Variants in ARRDC4 observed in about 807,000 individuals in gnomAD.
ARRDC4 encodes arrestin domain-containing protein 4.
A neutral mutation model predicts 44.6 loss-of-function variants in ARRDC4; 40 were observed. That is an observed-to-expected ratio of 0.90 (90% confidence interval 0.70 to 1.17). The LOEUF (loss-of-function observed/expected upper bound fraction) is 1.17. Ranked by LOEUF, ARRDC4 falls within the 50% of genes most tolerant of loss-of-function variation. The pLI, the probability that ARRDC4 is intolerant of heterozygous loss-of-function variation, is 0.00. For synonymous variants in ARRDC4, 211 were observed against 221.2 expected (o/e 0.95, Z 0.41); for missense variants, 550 against 559.1 (o/e 0.98, Z 0.16).
rs562561590 is a variant in ARRDC4 at position 97,973,173 on chromosome 15, G to C, written c.*1986G>C. 1 of 152,320 alleles carries C rather than the reference G, an allele frequency of 6.6e-6. No individual in the cohort carries two copies. Among genetic ancestry groups the C allele is most frequent in the Non-Finnish European group, 1.5e-5 (1 of 68,012 alleles). The allele number at this position is 152,320 out of a possible 1,614,324, so 9.4% of individuals were successfully genotyped here. A position where few individuals can be genotyped will look rare whatever the true frequency, so the allele number is the denominator to read the frequency against. ...CTGCCAAGGCATTGTTCGACTCCAT[G>C]ATACTAAAACATAATGAAAGAAACA... On this transcript the variant is annotated 3_prime_UTR_variant, in exon 8 of 8. Coordinates refer to ENST00000268042, the MANE Select transcript of ARRDC4 (RefSeq NM_183376.3).
At chr15:97,971,107 T>C (rs771149402) in intron 7 of ARRDC4, 24 bp from the exon 8 acceptor site, 3 of 1,611,558 alleles carry the variant, frequency 1.9e-6, no homozygotes, top group African/African-American at 2.7e-5. Context: ...ACAACACTAA[T>C]CTCAGTCCGC....
chr15:97,961,147 A>G lies in ARRDC4; in HGVS notation c.286A>G (p.Ser96Gly). ...SEVEYLNVRL[S>G]LREPPAGEGI... ...GGTGGAGTACCTGAACGTGCGCCTCAGCCTGCGGGAGCCCCCGGCCGGTAA... is the reference window on the plus strand; with the variant it reads ...GGTGGAGTACCTGAACGTGCGCCTCGGCCTGCGGGAGCCCCCGGCCGGTAA... Residue 96 changes from serine to glycine, a missense_variant, in exon 1 of 8, where the codon AGC becomes GGC. Coordinates refer to ENST00000268042, the MANE Select transcript of ARRDC4 (RefSeq NM_183376.3). 6.9e-7 allele frequency: 1 copy of G among 1,443,090 alleles called. No homozygotes were observed. Among genetic ancestry groups the G allele is most frequent in the Non-Finnish European group, 9.0e-7 (1 of 1,108,024 alleles). The allele number at this position is 1,443,090 out of a possible 1,614,324, so 89.4% of individuals were successfully genotyped here.
rs1442321875 is a variant in ARRDC4 at position 97,967,616 on chromosome 15, T to C, written c.523-398T>C. ...CAAAATAAATATAATGTTCTGATTA[T>C]TTTTTATTTTTATATCATTTATCCT... is the stretch of plus-strand genomic sequence containing the variant. On this transcript the variant is annotated intron_variant, in intron 3 of 7. Transcript: ENST00000268042. This position sits in a 1 kb window ranked among gnomAD's most constrained non-coding sequence, Gnocchi z 5.0. Among the ~76,000 whole-genome samples the C allele has an allele frequency of 6.6e-6, 1 of 152,152 alleles. No homozygotes were observed. Among genetic ancestry groups the C allele is most frequent in the Admixed American group, 6.6e-5 (1 of 15,266 alleles).
chr15:97,962,071 T>C (rs1476186359), intron 1 of ARRDC4, among the ~76,000 whole-genome samples: 1 of 152,218 alleles, frequency 6.6e-6, no homozygotes, highest in Admixed American at 6.5e-5. Flanking sequence ...GTTTAAACTT[T>C]TACGTTTTTG....
chr15:97,969,485 G>A, intron 5 of ARRDC4, 106 bp downstream of exon 5: 1 of 1,260,918 alleles, frequency 7.9e-7, no homozygotes, highest in Non-Finnish European at 1.1e-6. Flanking sequence ...TTTTATTTCA[G>A]CATTAACACC....
At chr15:97,963,049 T>C (rs1899348236) in intron 1 of ARRDC4, among the ~76,000 whole-genome samples, 1 of 152,224 alleles carries the variant, frequency 6.6e-6, no homozygotes, top group Non-Finnish European at 1.5e-5. Flanking sequence ...ATCAGAGAGT[T>C]GGTCTCAGTT....
In ARRDC4 at chr15:97,966,410, T is replaced by G. The variant is rs551355653; in HGVS notation, c.522+368T>G. On this transcript the variant is annotated intron_variant, in intron 3 of 7. Coordinates refer to ENST00000268042, the MANE Select transcript of ARRDC4 (RefSeq NM_183376.3). This position sits in a 1 kb window ranked among gnomAD's most constrained non-coding sequence, Gnocchi z 4.7. ...ACAGGACTGGGGTATTCTAAACTCC[T>G]CAATAATAGCAGGTTGAGGAACAGT... 1.5e-4 allele frequency among the ~76,000 whole-genome samples: 23 copies of G among 152,304 alleles called. No individual in the cohort carries two copies. The highest frequency in any genetic ancestry group is 4.8e-4 in the African/African-American group (20 of 41,564).
chr15:97,961,199 C>T (rs1400798068), intron 1 of ARRDC4, 31 bp downstream of exon 1: 1 of 1,371,894 alleles, frequency 7.3e-7, no homozygotes, highest in Non-Finnish European at 9.3e-7. Context: ...GGGGTTCCCC[C>T]GCCAGGCTGC....
Position 97,971,886 on chromosome 15 carries a change from A to G in ARRDC4, c.*699A>G, listed in dbSNP as rs983057639. The G allele has an allele frequency of 2.6e-5, 4 of 152,336 alleles. No homozygotes were observed. Among genetic ancestry groups the G allele is most frequent in the Non-Finnish European group, 4.4e-5 (3 of 68,052 alleles). The allele number at this position is 152,336 out of a possible 1,614,324, so 9.4% of individuals were successfully genotyped here. ...GTTCAAAGAGGAAAGATGAATTTCA[A>G]TGTGAAAACACGTTTTGTTGAGGGC... On this transcript the variant is annotated 3_prime_UTR_variant, in exon 8 of 8. Coordinates refer to ENST00000268042, the MANE Select transcript of ARRDC4 (RefSeq NM_183376.3).
At chr15:97,961,198 CCG>C in intron 1 of ARRDC4, 30 bp downstream of exon 1, 1 of 1,375,048 alleles carries the variant, frequency 7.3e-7, no homozygotes, top group Non-Finnish European at 9.3e-7. Flanking sequence ...TGGGGTTCCC[CCG>C]CCAGGCTGCG....
At chr15:97,963,464 T>A (rs1445912974) in intron 1 of ARRDC4, among the ~76,000 whole-genome samples, 1 of 152,220 alleles carries the variant, frequency 6.6e-6, no homozygotes, top group Non-Finnish European at 1.5e-5. Flanking sequence ...CGATGTCGAT[T>A]TGTTGCTTAA....
Position 97,966,087 on chromosome 15 carries a change from T to TC in ARRDC4, c.522+48dup, listed in dbSNP as rs1333723935. ...CTTCCTCCTCCTTTTCCTCCTTCCC[T>TC]CCCTTCCTCCTTCCTTTCAACAGTG... On this transcript the variant is annotated intron_variant, in intron 3 of 7. Coordinates refer to ENST00000268042, the MANE Select transcript of ARRDC4 (RefSeq NM_183376.3). This position sits in a 1 kb window ranked among gnomAD's most constrained non-coding sequence, Gnocchi z 4.7. 1 of 1,594,330 alleles carries TC rather than the reference T, an allele frequency of 6.3e-7. No homozygotes were observed. The highest frequency in any genetic ancestry group is 1.3e-5 in the African/African-American group (1 of 74,470).
intron 1 of ARRDC4, among the ~76,000 whole-genome samples, chr15:97,964,656 A>G (rs144429390): frequency 6.6e-6 from 1 of 152,282 alleles, no homozygotes; most frequent in African/African-American, 2.4e-5. Context: ...CTGGTAACCC[A>G]AAGCTGAGAA....
At position 97,965,980 on chromosome 15, in the gene ARRDC4, C is replaced by G; in HGVS notation, c.460C>G (p.Gln154Glu). The stretch of plus-strand genomic sequence containing the variant: ...GTTGGAACGACCCAAGGTACCTGAT[C>G]AGAGTGTAAAGCGGGAACTCCAGGT... Reference protein sequence around the residue: ...AVLERPKVPDQSVKRELQVVS... With the variant: ...AVLERPKVPDESVKRELQVVS... The change falls in exon 3 of 8, where the codon CAG (glutamine) becomes GAG (glutamate). Residue 154 changes from glutamine to glutamate, a missense_variant. Gln to Glu is a conservative substitution (Grantham distance 29). Coordinates refer to ENST00000268042, the MANE Select transcript of ARRDC4 (RefSeq NM_183376.3). The surrounding 1 kb of genome is among the most constrained non-coding windows in gnomAD (Gnocchi z 5.1). The G allele has an allele frequency of 6.2e-7, 1 of 1,614,118 alleles. No homozygotes were observed. The highest frequency in any genetic ancestry group is 1.7e-5 in the Admixed American group (1 of 60,020).
chr15:97,969,802 AAAG>A, intron 5 of ARRDC4, 78 bp from the exon 6 acceptor site: 1 of 1,317,430 alleles, frequency 7.6e-7, no homozygotes, highest in Non-Finnish European at 1.0e-6. Context: ...TCTATGAAAA[AAAG>A]AAATTAATTG....
chr15:97,961,868 A>ATT (rs1264570000), intron 1 of ARRDC4, among the ~76,000 whole-genome samples: 1 of 152,128 alleles, frequency 6.6e-6, no homozygotes, highest in Non-Finnish European at 1.5e-5. Flanking sequence ...AGACAAGAGC[A>ATT]TCAGGGCGTG....
Position 97,969,248 on chromosome 15 carries a change from G to A in ARRDC4, c.751G>A (p.Val251Ile). ...AAAAACAAAGACCATTCGACACATG[G>A]TCGCCAATGTGCGAGGAAACCACAT... ...SGKTKTIRHM[V>I]ANVRGNHIAS... Residue 251 changes from valine (V) to isoleucine (I), a missense_variant, in exon 5 of 8, where the codon GTC becomes ATC. By Grantham distance (29) the Val-to-Ile change is conservative. Transcript: ENST00000268042. 1 of 1,613,956 alleles carries A rather than the reference G, an allele frequency of 6.2e-7. No homozygotes were observed. Among genetic ancestry groups the A allele is most frequent in the Non-Finnish European group, 8.5e-7 (1 of 1,179,914 alleles).
intron 5 of ARRDC4, 26 bp from the exon 6 acceptor site, chr15:97,969,854 CTCT>C (rs757265675): frequency 1.4e-5 from 19 of 1,375,984 alleles, no homozygotes; most frequent in South Asian, 2.7e-5. Flanking sequence ...TTGTTCCTTT[CTCT>C]TTTTTTTTTT....
At chr15:97,961,369 C>T (rs1899315924) in intron 1 of ARRDC4, among the ~76,000 whole-genome samples, 1 of 152,184 alleles carries the variant, frequency 6.6e-6, no homozygotes, top group African/African-American at 2.4e-5. Flanking sequence ...CGCCCCTGGC[C>T]CGCCGGGCCT....
Sources: allele counts gnomAD v4.1 joint callset (sites outside exome capture counted in the v4.1 genomes callset), GRCh38; gene constraint gnomAD v4.1.1; non-coding constraint Gnocchi (gnomAD v3.1); transcripts MANE v1.5; gene names NCBI Gene and HGNC (gene_info 2026-07-23, HGNC 2026-07-21).